The following ITGB5 variants were observed in gnomAD, a reference collection of about 807,000 sequenced individuals.
The protein encoded by ITGB5 is integrin subunit beta 5.
ITGB5 carries 38 observed loss-of-function variants against 84.8 expected under a neutral mutation model. That is an observed-to-expected ratio of 0.45 (90% CI 0.35 to 0.59). ITGB5 has a LOEUF of 0.59. Among genes scored for constraint, ITGB5 ranks in the 20% least tolerant of loss-of-function variants. The probability of loss-of-function intolerance (pLI) is 0.01; values close to 1 mark genes in which losing one functional copy is unlikely to be tolerated. For synonymous variants in ITGB5, 393 were observed against 414.4 expected, an observed-to-expected ratio of 0.95 and a Z score of 0.63; for missense variants, 905 against 1,034.5, an observed-to-expected ratio of 0.87 and a Z score of 1.72.
chr3:124,796,851 GC>G (rs2064237738), intron 9 of ITGB5, 34 bp from the exon 10 acceptor site: 1 of 1,555,966 alleles, frequency 6.4e-7, no homozygotes, highest in East Asian at 2.3e-5. Flanking sequence ...TATCATGGCT[GC>G]GGCAAGCCAG....
chr3:124,776,808 A>C (rs1312475242), intron 10 of ITGB5, among the ~76,000 whole-genome samples: 1 of 152,224 alleles, frequency 6.6e-6, no homozygotes, highest in Non-Finnish European at 1.5e-5. Context: ...TGCACCATAA[A>C]ATTATCCAAA....
intron 1 of ITGB5, among the ~76,000 whole-genome samples, chr3:124,882,784 G>A (rs895841946): frequency 7.2e-5 from 11 of 152,192 alleles, no homozygotes; most frequent in African/African-American, 1.2e-4. Context: ...CTCTGAAAAT[G>A]TCTGGCTGGA....
intron 1 of ITGB5, among the ~76,000 whole-genome samples, chr3:124,899,980 G>C (rs1383320461): frequency 1.4e-5 from 2 of 143,926 alleles, no homozygotes; most frequent in Non-Finnish European, 3.0e-5. Flanking sequence ...CATAAGTAAA[G>C]AAAGAGTTTT....
At chr3:124,787,957 G>C (rs1336930262) in intron 10 of ITGB5, among the ~76,000 whole-genome samples, 2 of 150,154 alleles carry the variant, frequency 1.3e-5, no homozygotes, top group East Asian at 1.9e-4. Context: ...GCCCAGGCTG[G>C]AGTGCAGTGG....
At chr3:124,765,950 TCGGGAGGCTGAAG>T (rs2063760115) in intron 13 of ITGB5, among the ~76,000 whole-genome samples, 1 of 150,872 alleles carries the variant, frequency 6.6e-6, no homozygotes, top group Non-Finnish European at 1.5e-5. Flanking sequence ...TGCCAGCTGC[TCGGGAGGCTGAAG>T]CGGGAGGATC....
At chr3:124,889,244 A>G (rs1005279684), upstream of ITGB5, among the ~76,000 whole-genome samples, 7 of 152,192 alleles carry the variant, frequency 4.6e-5, no homozygotes, top group Admixed American at 3.3e-4. Context: ...TTGTTTATGT[A>G]AAAATGCAGA....
chr3:124,888,212 C>T (rs1023228541), upstream of ITGB5, among the ~76,000 whole-genome samples: 12 of 152,098 alleles, frequency 7.9e-5, no homozygotes, highest in African/African-American at 2.7e-4. Context: ...CCACCGTGCC[C>T]GGCCCACTTT....
intron 3 of ITGB5, among the ~76,000 whole-genome samples, chr3:124,853,268 G>C (rs149313570): frequency 1.5e-3 from 222 of 152,320 alleles, no homozygotes; most frequent in African/African-American, 5.2e-3. Context: ...AGGCCCTGGT[G>C]CACACATTAT....
rs528084793 is a variant in ITGB5 at position 124,771,730 on chromosome 3, G to A, written c.1916+1960C>T. 2.8e-5 allele frequency among the ~76,000 whole-genome samples: 4 copies of A among 140,664 alleles called. No individual in the cohort carries two copies. In the South Asian group the frequency reaches 7.0e-4, roughly 25 times the overall value. The allele number at this position is 140,664 out of a possible 152,430, so 92.3% of individuals were successfully genotyped here. On this transcript the variant is annotated intron_variant, in intron 11 of 14. Coordinates refer to ENST00000296181, the MANE Select transcript of ITGB5 (RefSeq NM_002213.5). ...GCCATTGCACTCCAGCCTGGGTGGC[G>A]GGAGTGAGACCCTGTCTCAAAAAAA...
chr3:124,892,729 TTTATG>T (rs1036525855), intron 1 of ITGB5, among the ~76,000 whole-genome samples: 3 of 150,654 alleles, frequency 2.0e-5, no homozygotes, highest in East Asian at 1.9e-4. Context: ...AATGGTAAGT[TTTATG>T]TTATGTCTAT....
At chr3:124,854,320 A>C (rs1434419933) in intron 3 of ITGB5, among the ~76,000 whole-genome samples, 3 of 152,226 alleles carry the variant, frequency 2.0e-5, no homozygotes, top group Non-Finnish European at 2.9e-5. Context: ...TAGGGTGTTA[A>C]CTGTGGAGTT....
Position 124,764,443 on chromosome 3 carries a change from C to T in ITGB5, c.2252G>A (p.Arg751Gln), listed in dbSNP as rs200580858. 3.5e-5 allele frequency: 57 copies of T among 1,613,914 alleles called. No homozygotes were observed. The African/African-American group carries it at 3.7e-4, about 11-fold the overall frequency. Residue 751 changes from arginine to glutamine, a missense_variant, in exon 14 of 15, where the codon CGG (arginine) becomes CAG (glutamine). Transcript: ENST00000296181. Reference protein sequence around the residue: ...IWKLLVTIHDRREFAKFQSER... With the variant: ...IWKLLVTIHDQREFAKFQSER... ...GCTCTGAAACTTTGCAAACTCCCTC[C>T]GGTCGTGGATGGTGACAAGCAGCTT...
chr3:124,890,358 C>A (rs553380180), upstream of ITGB5, among the ~76,000 whole-genome samples: 1 of 152,034 alleles, frequency 6.6e-6, no homozygotes, highest in Admixed American at 6.5e-5. Flanking sequence ...CGTGTGCCAC[C>A]ACACCTGGCT....
chr3:124,826,711 A>G (rs1271385399), intron 5 of ITGB5, among the ~76,000 whole-genome samples: 1 of 152,224 alleles, frequency 6.6e-6, no homozygotes, highest in Non-Finnish European at 1.5e-5. Flanking sequence ...TGCCTGGTTC[A>G]TGATGGGCTC....
intron 1 of ITGB5, among the ~76,000 whole-genome samples, chr3:124,900,008 G>A (rs1321544931): frequency 2.6e-5 from 4 of 151,934 alleles, no homozygotes; most frequent in African/African-American, 4.8e-5. Flanking sequence ...TGGTAATAAA[G>A]GCCATTAACC....
chr3:124,818,073 T>G (rs993246370), intron 7 of ITGB5, among the ~76,000 whole-genome samples: 4 of 152,080 alleles, frequency 2.6e-5, no homozygotes, highest in Admixed American at 6.6e-5. Context: ...TCTCCCCCGG[T>G]CTCTGAGGTA....
At chr3:124,768,734 G>C (rs561245119) in intron 12 of ITGB5, among the ~76,000 whole-genome samples, 1 of 152,276 alleles carries the variant, frequency 6.6e-6, no homozygotes, top group African/African-American at 2.4e-5. Flanking sequence ...TGGACATATG[G>C]ACCTAATCCT....
intron 10 of ITGB5, among the ~76,000 whole-genome samples, chr3:124,775,419 TGTTTGTTCTGGAGTGTGAGC>T (rs1240780603): frequency 6.6e-6 from 1 of 151,760 alleles, no homozygotes; most frequent in Non-Finnish European, 1.5e-5. Flanking sequence ...GGAGTGTGAG[TGTTTGTTCTGGAGTGTGAGC>T]GTGCTGGACT....
Position 124,769,046 on chromosome 3 carries a change from T to C in ITGB5, c.1984A>G (p.Arg662Gly), listed in dbSNP as rs761051087. 5.6e-6 allele frequency: 9 copies of C among 1,613,860 alleles called. No individual in the cohort carries two copies. ...TCCACCCATGTGATCACCTCATCCC[T>C]GCATAGGCTGTGGCAGGTCTGGTTG... ...PDNQTCHSLC[R>G]DEVITWVDTI... The change falls in exon 12 of 15, where the codon AGG becomes GGG. Residue 662 changes from arginine to glycine, a missense_variant. Around this residue, in one of 3 missense-constraint regions of ITGB5, gnomAD observed 116 missense variants for 177.0 expected, o/e 0.66. Transcript: ENST00000296181.
Sources: allele counts gnomAD v4.1 joint callset (sites outside exome capture counted in the v4.1 genomes callset), GRCh38; gene constraint gnomAD v4.1.1; regional missense constraint gnomAD v4.1.1; transcripts MANE v1.5; gene names NCBI Gene and HGNC (gene_info 2026-07-23, HGNC 2026-07-21).